Variants in CMA1 observed in about 807,000 individuals in gnomAD.
CMA1 encodes the protein chymase 1.
In CMA1, 24 loss-of-function variants were observed where a neutral mutation model predicts 18.8. The observed-to-expected ratio is 1.28, with a 90% CI of 0.92 to 1.80. CMA1 has a LOEUF of 1.80. CMA1 is among the 40% of genes most tolerant of loss of function. The probability of loss-of-function intolerance (pLI) is 0.00; values close to 1 mark genes in which losing one functional copy is unlikely to be tolerated. For synonymous variants in CMA1, 152 were observed against 117.0 expected (o/e 1.30, Z -1.93); for missense variants, 421 against 302.8 (o/e 1.39, Z -2.90).
At chr14:24,508,140 A>T in intron 1 of CMA1, 38 bp downstream of exon 1, 1 of 1,583,838 alleles carries the variant, frequency 6.3e-7, no homozygotes, top group Non-Finnish European at 8.7e-7. Flanking sequence ...TCAGGAGCTG[A>T]TACTGCAGAT....
chr14:24,506,702 A>T (rs2043860510), intron 2 of CMA1, 98 bp from the exon 3 acceptor site: 2 of 1,463,178 alleles, frequency 1.4e-6, no homozygotes, highest in Admixed American at 4.1e-5. Flanking sequence ...AAACTCTGTC[A>T]CTGGGTCGCC....
chr14:24,507,242 T>C, intron 2 of CMA1, 114 bp downstream of exon 2: 2 of 1,273,766 alleles, frequency 1.6e-6, no homozygotes, highest in Non-Finnish European at 2.3e-6. Flanking sequence ...TTCCCTCTCC[T>C]GAAAGTTGAC....
chr14:24,508,209 C>T lies in CMA1; in HGVS notation c.27G>A (p.Leu9=), dbSNP rs765508269. MLLLPLPL[L]LFLLCSRAEA... is the part of the protein sequence containing the mutation. ...CAGCTCTGGAGCACAAGAGAAAGAG[C>T]AGCAGGGGGAGAGGAAGAAGCAGCA... Residue 9 remains leucine (L), a synonymous_variant, in exon 1 of 5, where the codon CTG becomes CTA. Coordinates refer to ENST00000250378, the MANE Select transcript of CMA1 (RefSeq NM_001836.5). 12 of 1,613,706 alleles carry T rather than the reference C, an allele frequency of 7.4e-6. No homozygotes were observed. The African/African-American group carries it at 1.1e-4, about 14-fold the overall frequency.
chr14:24,506,872 A>G (rs1331765645), intron 2 of CMA1, among the ~76,000 whole-genome samples: 1 of 152,184 alleles, frequency 6.6e-6, no homozygotes, highest in Admixed American at 6.5e-5. Flanking sequence ...CAGGGTTCAC[A>G]CTTCCTAATT....
Position 24,506,295 on chromosome 14 carries a change from T to C in CMA1, c.346-13A>G. 6.2e-7 allele frequency: 1 copy of C among 1,612,414 alleles called. No individual in the cohort carries two copies. Among genetic ancestry groups the C allele is most frequent in the African/African-American group, 1.3e-5 (1 of 75,030 alleles). The stretch of plus-strand genomic sequence containing the variant: ...CTTTCTCCTTCAACTGTGAAGGGAA[T>C]GAAGGACTGTCAGTCCTCGAAATGG... On this transcript the variant is annotated splice_polypyrimidine_tract_variant and intron_variant, in intron 3 of 4. Coordinates refer to ENST00000250378, the MANE Select transcript of CMA1 (RefSeq NM_001836.5).
rs778682089 is a variant in CMA1, at chr14:24,505,666, G to T, written c.601-7C>A. On this transcript the variant is annotated splice_polypyrimidine_tract_variant and splice_region_variant and intron_variant, in intron 4 of 4. Coordinates refer to ENST00000250378, the MANE Select transcript of CMA1 (RefSeq NM_001836.5). ...GAGGGCCCCCAGAGTCTCCCTGTAG[G>T]GGGAGGAGAGAGAGAAGAAGGTGAG... The T allele has an allele frequency of 6.3e-7, 1 of 1,596,918 alleles. No individual in the cohort carries two copies. The highest frequency in any genetic ancestry group is 8.5e-7 in the Non-Finnish European group (1 of 1,172,252).
chr14:24,505,778 T>C (rs982597430), intron 4 of CMA1, 119 bp from the exon 5 acceptor site: 2 of 1,299,778 alleles, frequency 1.5e-6, no homozygotes, highest in Non-Finnish European at 2.1e-6. Flanking sequence ...AGCTCCTCAC[T>C]TATACATCTA....
In CMA1 at chr14:24,505,397, T is replaced by C; in HGVS notation, c.*119A>G. 1 of 1,302,984 alleles carries C rather than the reference T, an allele frequency of 7.7e-7. No individual in the cohort carries two copies. Among genetic ancestry groups the C allele is most frequent in the East Asian group, 2.3e-5 (1 of 43,264 alleles). The allele number at this position is 1,302,984 out of a possible 1,614,324, so 80.7% of individuals were successfully genotyped here. On this transcript the variant is annotated 3_prime_UTR_variant, in exon 5 of 5. Coordinates refer to ENST00000250378, the MANE Select transcript of CMA1 (RefSeq NM_001836.5). ...ATTGAGAGTTCTGTGACCTGTAGGA[T>C]ACTTCTGGAGGCTTAGGGTTGTGGC...
At chr14:24,505,769 G>C in intron 4 of CMA1, 110 bp from the exon 5 acceptor site, 1 of 1,349,878 alleles carries the variant, frequency 7.4e-7, no homozygotes, top group Non-Finnish European at 1.0e-6. Flanking sequence ...AGGAGGTGGA[G>C]CTCCTCACTT....
At chr14:24,506,334 G>A in intron 3 of CMA1, 52 bp from the exon 4 acceptor site, 1 of 1,600,324 alleles carries the variant, frequency 6.2e-7, no homozygotes, top group South Asian at 1.1e-5. Flanking sequence ...CTGGACAGTT[G>A]GAGGTGATCA....
At position 24,507,493 on chromosome 14, in the gene CMA1, C is replaced by T; in HGVS notation, c.72G>A (p.Gly24=). The change falls in exon 2 of 5, where the codon GGG becomes GGA. Residue 24 remains glycine (G), a synonymous_variant. Coordinates refer to ENST00000250378, the MANE Select transcript of CMA1 (RefSeq NM_001836.5). ...GGGAATGTGGCTTGCATTCTGTGCC[C>T]CCGATGATCTCCCCTGGAACAGAGC... ...CSRAEAGEII[G]GTECKPHSRP... 6.2e-7 allele frequency: 1 copy of T among 1,613,628 alleles called. No individual in the cohort carries two copies. Among genetic ancestry groups the T allele is most frequent in the South Asian group, 1.1e-5 (1 of 91,006 alleles).
Position 24,507,459 on chromosome 14 carries a change from T to C in CMA1, c.106A>G (p.Met36Val), listed in dbSNP as rs753617059. 2 of 1,614,156 alleles carry C rather than the reference T, an allele frequency of 1.2e-6. No individual in the cohort carries two copies. The highest frequency in any genetic ancestry group is 1.7e-5 in the Admixed American group (1 of 60,014). The stretch of plus-strand genomic sequence containing the variant: ...GAAGTTACAATTTCCAGGTAGGCCA[T>C]GTAGGGGCGGGAATGTGGCTTGCAT... Reference protein sequence around the residue: ...TECKPHSRPYMAYLEIVTSNG... With the variant: ...TECKPHSRPYVAYLEIVTSNG... The change falls in exon 2 of 5, where the codon ATG becomes GTG. Residue 36 changes from methionine (M) to valine (V), a missense_variant. By Grantham distance (21) the Met-to-Val change is conservative. Transcript: ENST00000250378.
Position 24,506,089 on chromosome 14 carries a change from T to A in CMA1, c.539A>T (p.Asp180Val). The change falls in exon 4 of 5, where the codon GAC becomes GTC. Residue 180 changes from aspartate (D) to valine (V), a missense_variant. By Grantham distance (152) the Asp-to-Val change is radical. Transcript: ENST00000250378. Reference protein sequence around the residue: ...MDPQACSHFRDFDHNLQLCVG... With the variant: ...MDPQACSHFRVFDHNLQLCVG... The stretch of plus-strand genomic sequence containing the variant: ...ACACAGCTGAAGATTGTGGTCAAAG[T>A]CTCTGAAGTGGCTGCAGGCCTGGGG... 1 of 1,614,192 alleles carries A rather than the reference T, an allele frequency of 6.2e-7. No individual in the cohort carries two copies. The highest frequency in any genetic ancestry group is 8.5e-7 in the Non-Finnish European group (1 of 1,180,028).
Position 24,506,171 on chromosome 14 carries a change from CT to C in CMA1, c.456del (p.Gly153ValfsTer3). ...RMCRVAGWGR[T>X]GVLKPGSDTL... ...GTGTCTGAGCCCGGCTTCAACACACCTGTTCTTCCCCAGCCAGCCACCCGGC... is the reference window on the plus strand; with the variant it reads ...GTGTCTGAGCCCGGCTTCAACACACCGTTCTTCCCCAGCCAGCCACCCGGC... On this transcript the variant is annotated frameshift_variant, in exon 4 of 5. Coordinates refer to ENST00000250378, the MANE Select transcript of CMA1 (RefSeq NM_001836.5). LOFTEE classifies it high-confidence loss of function. 1 of 1,614,208 alleles carries C rather than the reference CT, an allele frequency of 6.2e-7. No individual in the cohort carries two copies. Among genetic ancestry groups the C allele is most frequent in the Middle Eastern group, 1.6e-4 (1 of 6,062 alleles).
At position 24,505,549 on chromosome 14, in the gene CMA1, C is replaced by A; in HGVS notation, c.711G>T (p.Arg237=). ...CCTGCAGGATCTGGTTGATCCAGGG[C>A]CGGTAATGGGAGATTCGGGTGAAGA... ...PAVFTRISHY[R]PWINQILQAN is the part of the protein sequence containing the mutation. The change falls in exon 5 of 5, where the codon CGG becomes CGT. Residue 237 remains arginine, a synonymous_variant. Coordinates refer to ENST00000250378, the MANE Select transcript of CMA1 (RefSeq NM_001836.5). The A allele has an allele frequency of 1.2e-6, 2 of 1,614,038 alleles. No individual in the cohort carries two copies. The highest frequency in any genetic ancestry group is 8.5e-7 in the Non-Finnish European group (1 of 1,180,014).
chr14:24,507,595 C>T, intron 1 of CMA1, 89 bp from the exon 2 acceptor site: 12 of 1,448,134 alleles, frequency 8.3e-6, no homozygotes, highest in East Asian at 2.3e-5. Flanking sequence ...GCTAGGCTTC[C>T]CTGGAATCTC....
At position 24,506,150 on chromosome 14, in the gene CMA1, C is replaced by T; in HGVS notation, c.478G>A (p.Asp160Asn). Residue 160 changes from aspartate (D) to asparagine (N), a missense_variant, in exon 4 of 5, where the codon GAC becomes AAC. Transcript: ENST00000250378. ...GRTGVLKPGS[D>N]TLQEVKLRLM... ...CTCAGCTTCACCTCTTGCAGAGTGT[C>T]TGAGCCCGGCTTCAACACACCTGTT... 1 of 1,614,180 alleles carries T rather than the reference C, an allele frequency of 6.2e-7. No individual in the cohort carries two copies. The highest frequency in any genetic ancestry group is 8.5e-7 in the Non-Finnish European group (1 of 1,180,030).
chr14:24,506,306 C>T, intron 3 of CMA1, 24 bp from the exon 4 acceptor site: 1 of 1,609,298 alleles, frequency 6.2e-7, no homozygotes, highest in Non-Finnish European at 8.5e-7. Context: ...GAAGGACTGT[C>T]AGTCCTCGAA....
chr14:24,507,918 C>G (rs1045273114), intron 1 of CMA1, among the ~76,000 whole-genome samples: 4 of 152,026 alleles, frequency 2.6e-5, no homozygotes, highest in Non-Finnish European at 2.9e-5. Flanking sequence ...CCTGGGGATA[C>G]CCCTTTTCCT....
Sources: allele counts gnomAD v4.1 joint callset (sites outside exome capture counted in the v4.1 genomes callset), GRCh38; gene constraint gnomAD v4.1.1; transcripts MANE v1.5; gene names NCBI Gene and HGNC (gene_info 2026-07-23, HGNC 2026-07-21).